Variants in AP1S3 observed in about 807,000 individuals in gnomAD.
AP1S3 encodes the protein adaptor related protein complex 1 subunit sigma 3, also known as AP-1 complex subunit sigma-3.
In AP1S3, 10 loss-of-function variants were observed where a neutral mutation model predicts 20.9. The observed-to-expected ratio is 0.48, with a 90% CI of 0.29 to 0.81. The LOEUF (loss-of-function observed/expected upper bound fraction) is 0.81, where lower values mean the gene tolerates loss of function less well. Ranked by LOEUF, AP1S3 falls within the 30% of genes least tolerant of loss-of-function variation. The probability of loss-of-function intolerance (pLI) is 0.08; values close to 1 mark genes in which losing one functional copy is unlikely to be tolerated. For missense variants in AP1S3, 154 were observed against 183.8 expected, an observed-to-expected ratio of 0.84 and a Z score of 0.94; for synonymous variants, 41 against 61.5, an observed-to-expected ratio of 0.67 and a Z score of 1.56.
At position 223,832,149 on chromosome 2, in the gene AP1S3, G is replaced by C. The variant is rs907089516; in HGVS notation, c.3+5299C>G. Among the ~76,000 whole-genome samples, 81 of 138,654 alleles carry C rather than the reference G, an allele frequency of 5.8e-4. 2 individuals are homozygous for C. The highest frequency in any genetic ancestry group is 2.1e-3 in the African/African-American group (72 of 33,656). The allele number at this position is 138,654 out of a possible 152,430, so 91.0% of individuals were successfully genotyped here. ...GAGTTTTCTCTCTGTGTGTGTGTGT[G>C]TGTGTGTGTGTGTGTGTGTGTGTGT... On this transcript the variant is annotated intron_variant, in intron 1 of 4. Coordinates refer to ENST00000396654, the MANE Select transcript of AP1S3 (RefSeq NM_001039569.2).
chr2:223,824,596 GGC>G (rs1244718587), intron 1 of AP1S3, among the ~76,000 whole-genome samples: 2 of 152,028 alleles, frequency 1.3e-5, no homozygotes, highest in African/African-American at 4.8e-5. Context: ...GAAGTGCAGT[GGC>G]GCTATCTCGG....
At chr2:223,772,600 G>C (rs1690659443) in intron 3 of AP1S3, among the ~76,000 whole-genome samples, 2 of 152,136 alleles carry the variant, frequency 1.3e-5, no homozygotes, top group South Asian at 4.1e-4. Context: ...ACTTACTGAA[G>C]ATCGGAAGAT....
chr2:223,826,112 T>A (rs1692121901), intron 1 of AP1S3, among the ~76,000 whole-genome samples: 1 of 152,206 alleles, frequency 6.6e-6, no homozygotes. Context: ...ACTTTGAATA[T>A]ATCCACAACA....
intron 1 of AP1S3, among the ~76,000 whole-genome samples, chr2:223,787,966 C>A (rs1359273943): frequency 6.6e-6 from 1 of 151,684 alleles, no homozygotes; most frequent in Non-Finnish European, 1.5e-5. Flanking sequence ...TGCCACAGTT[C>A]TTTTTTTTGG....
intron 1 of AP1S3, among the ~76,000 whole-genome samples, chr2:223,831,404 G>A (rs923463683): frequency 5.9e-5 from 9 of 152,194 alleles, no homozygotes; most frequent in Non-Finnish European, 1.0e-4. Context: ...AAAGTGTTAA[G>A]ATTACAGGCG....
intron 1 of AP1S3, among the ~76,000 whole-genome samples, chr2:223,816,612 A>C (rs1293041327): frequency 6.6e-6 from 1 of 152,234 alleles, no homozygotes; most frequent in Non-Finnish European, 1.5e-5. Context: ...AGATTCTAAT[A>C]AGATCAGTCT....
At chr2:223,802,556 C>T (rs1691494869) in intron 1 of AP1S3, among the ~76,000 whole-genome samples, 1 of 152,142 alleles carries the variant, frequency 6.6e-6, no homozygotes, top group African/African-American at 2.4e-5. Context: ...CCGGCCACCT[C>T]AGCCTCCCAA....
intron 3 of AP1S3, among the ~76,000 whole-genome samples, chr2:223,769,101 G>A (rs927208234): frequency 6.6e-6 from 1 of 152,158 alleles, no homozygotes. Context: ...TGGCATACTG[G>A]GGGTATATCA....
chr2:223,780,326 G>T (rs1380289249), intron 1 of AP1S3, among the ~76,000 whole-genome samples: 130 of 107,106 alleles, frequency 1.2e-3, no homozygotes, highest in African/African-American at 1.5e-3. Context: ...GAGAGAGAGA[G>T]AGAGAGAGAG....
chr2:223,796,989 G>C (rs1691352968), intron 1 of AP1S3, among the ~76,000 whole-genome samples: 1 of 152,180 alleles, frequency 6.6e-6, no homozygotes, highest in Admixed American at 6.5e-5. Flanking sequence ...CTATCATTGA[G>C]TGGCAGCAGC....
intron 3 of AP1S3, 94 bp from the exon 4 acceptor site, chr2:223,765,444 T>G: frequency 1.5e-6 from 2 of 1,323,020 alleles, no homozygotes; most frequent in Non-Finnish European, 2.0e-6. Context: ...TGCACTCATG[T>G]GGCGTACCAA....
chr2:223,810,763 A>G (rs1171863396), intron 1 of AP1S3, among the ~76,000 whole-genome samples: 1 of 152,166 alleles, frequency 6.6e-6, no homozygotes, highest in African/African-American at 2.4e-5. Context: ...TATGCAGAAA[A>G]TGTTCAACAA....
At chr2:223,821,496 G>T (rs1691985417) in intron 1 of AP1S3, among the ~76,000 whole-genome samples, 1 of 152,130 alleles carries the variant, frequency 6.6e-6, no homozygotes, top group Non-Finnish European at 1.5e-5. Flanking sequence ...TCCCAATTCT[G>T]GTAGGTATTC....
chr2:223,818,988 A>C (rs950898192), intron 1 of AP1S3, among the ~76,000 whole-genome samples: 3 of 152,252 alleles, frequency 2.0e-5, no homozygotes, highest in Admixed American at 2.0e-4. Context: ...TTGCCAATAA[A>C]GTAATTGTAG....
chr2:223,770,471 G>C (rs1690593037), intron 3 of AP1S3: 1 of 1,062,884 alleles, frequency 9.4e-7, no homozygotes, highest in Admixed American at 3.2e-5. Flanking sequence ...GGTAAGGTAA[G>C]GTGGTATTCA....
intron 1 of AP1S3, among the ~76,000 whole-genome samples, chr2:223,802,965 A>T (rs1691501825): frequency 6.6e-6 from 1 of 152,210 alleles, no homozygotes; most frequent in African/African-American, 2.4e-5. Flanking sequence ...ACTACAATTA[A>T]CTTAATTGTG....
At chr2:223,799,238 C>T (rs1691414446) in intron 1 of AP1S3, among the ~76,000 whole-genome samples, 1 of 147,584 alleles carries the variant, frequency 6.8e-6, no homozygotes, top group African/African-American at 2.6e-5. Context: ...CACACACACA[C>T]ACACACACAC....
chr2:223,785,922 T>A (rs940626593), intron 1 of AP1S3, among the ~76,000 whole-genome samples: 2 of 152,210 alleles, frequency 1.3e-5, no homozygotes. Flanking sequence ...ACTCCCTGAA[T>A]CTAAAATATA....
intron 1 of AP1S3, among the ~76,000 whole-genome samples, chr2:223,790,653 T>C (rs886279604): frequency 1.3e-5 from 2 of 152,170 alleles, no homozygotes; most frequent in Non-Finnish European, 2.9e-5. Context: ...TCCTGAAAGA[T>C]AGTATATATT....
Sources: allele counts gnomAD v4.1 joint callset (sites outside exome capture counted in the v4.1 genomes callset), GRCh38; gene constraint gnomAD v4.1.1; transcripts MANE v1.5; gene names NCBI Gene and HGNC (gene_info 2026-07-23, HGNC 2026-07-21).